Variants in SUOX observed in about 807,000 individuals in gnomAD.
SUOX encodes the protein sulfite oxidase.
A neutral mutation model predicts 41.9 loss-of-function variants in SUOX; 39 were observed. The observed-to-expected ratio is 0.93, with a 90% CI of 0.72 to 1.21. The LOEUF is 1.21. Among genes scored for constraint, SUOX ranks in the 50% most tolerant of loss-of-function variants. The pLI is 0.00. For missense variants in SUOX, 633 were observed against 689.5 expected (o/e 0.92, Z 0.92); for synonymous variants, 220 against 268.4 (o/e 0.82, Z 1.76).
intron 2 of SUOX, among the ~76,000 whole-genome samples, chr12:55,998,939 G>A (rs528902223): frequency 7.9e-4 from 119 of 151,394 alleles, no homozygotes; most frequent in African/African-American, 2.5e-3. Flanking sequence ...CCACCACCCC[G>A]GTAGCTGAGA....
chr12:56,004,790 CCTAACCTGGCAGGTGG>C lies in SUOX; in HGVS notation c.1406_1421del (p.Thr469SerfsTer20), dbSNP rs1389312412. 3.1e-6 allele frequency: 5 copies of C among 1,614,076 alleles called. No homozygotes were observed. The East Asian group carries it at 1.1e-4, about 36-fold the overall frequency. On this transcript the variant is annotated frameshift_variant, in exon 5 of 5. Coordinates refer to ENST00000266971, the MANE Select transcript of SUOX (RefSeq NM_001032386.2). LOFTEE classifies it high-confidence loss of function. The surrounding 1 kb of genome is among the most constrained non-coding windows in gnomAD (Gnocchi z 4.5). ...GGGTGGATGTGTCTCTGGATGGGGG[CCTAACCTGGCAGGTGG>C]CTAAGCTGGATGGAGAGGAACAGCG...
chr12:55,997,917 T>C (rs1890366061), intron 2 of SUOX, among the ~76,000 whole-genome samples, 194 bp downstream of exon 2: 1 of 152,090 alleles, frequency 6.6e-6, no homozygotes, highest in African/African-American at 2.4e-5. Flanking sequence ...GTGCTCTCTG[T>C]TCAGCAATTT....
In SUOX at chr12:56,005,150, C is replaced by A; in HGVS notation, c.*123C>A. On this transcript the variant is annotated 3_prime_UTR_variant, in exon 5 of 5. Coordinates refer to ENST00000266971, the MANE Select transcript of SUOX (RefSeq NM_001032386.2). The stretch of plus-strand genomic sequence containing the variant: ...GGCCTTCCTAAGCCATACCCAAGTA[C>A]ACATATAGCACATTTCACCCAAGGA... 3.8e-6 allele frequency: 4 copies of A among 1,059,324 alleles called. No homozygotes were observed. Among genetic ancestry groups the A allele is most frequent in the Non-Finnish European group, 5.7e-6 (4 of 703,994 alleles). 65.6% of individuals were successfully genotyped at this position (1,059,324 alleles called of 1,614,324 possible).
chr12:56,002,706 G>T lies in SUOX; in HGVS notation c.214G>T (p.Asp72Tyr). Residue 72 changes from aspartate (D) to tyrosine (Y), a missense_variant, in exon 4 of 5, where the codon GAC (aspartate) becomes TAC (tyrosine). By Grantham distance (160) the Asp-to-Tyr change is radical. Transcript: ENST00000266971. ...TCTCGGTGCAGTGTTGGCCTATCAG[G>T]ACCATCGGTGTAGGGTAAGTAGGGA... Reference protein sequence around the residue: ...LGLGAVLAYQDHRCRAAQEST... With the variant: ...LGLGAVLAYQYHRCRAAQEST... 6.2e-7 allele frequency: 1 copy of T among 1,614,090 alleles called. No individual in the cohort carries two copies. Among genetic ancestry groups the T allele is most frequent in the Non-Finnish European group, 8.5e-7 (1 of 1,180,008 alleles).
chr12:56,002,377 A>C, intron 3 of SUOX, 106 bp downstream of exon 3: 1 of 1,497,862 alleles, frequency 6.7e-7, no homozygotes, highest in Non-Finnish European at 9.2e-7. Context: ...GAGTGTGTCC[A>C]GGGAGGACAG....
At chr12:56,003,409 G>A (rs1462177799) in intron 4 of SUOX, among the ~76,000 whole-genome samples, 3 of 152,082 alleles carry the variant, frequency 2.0e-5, no homozygotes, top group Non-Finnish European at 4.4e-5. Context: ...TTACAGGCAT[G>A]CACCACCATG....
In SUOX at chr12:56,003,928, C is replaced by A. The variant is rs756775813; in HGVS notation, c.539C>A (p.Pro180His). The change falls in exon 5 of 5, where the codon CCT becomes CAT. Residue 180 changes from proline (P) to histidine (H), a missense_variant. Pro to His is a moderately conservative substitution (Grantham distance 77). Transcript: ENST00000266971. Reference protein sequence around the residue: ...VETSDPYADDPVRHPALKVNS... With the variant: ...VETSDPYADDHVRHPALKVNS... ...ACCTCTGACCCTTATGCTGATGATCCTGTACGTCACCCAGCCCTGAAGGTC... is the reference window on the plus strand; with the variant it reads ...ACCTCTGACCCTTATGCTGATGATCATGTACGTCACCCAGCCCTGAAGGTC... The A allele has an allele frequency of 8.1e-6, 13 of 1,613,992 alleles. No individual in the cohort carries two copies. In the South Asian group the frequency reaches 1.4e-4, roughly 18 times the overall value.
chr12:56,000,466 C>A (rs1890473923), intron 2 of SUOX, among the ~76,000 whole-genome samples: 1 of 152,216 alleles, frequency 6.6e-6, no homozygotes, highest in South Asian at 2.1e-4. Flanking sequence ...CCACGCCCAC[C>A]CGGAACTCCA....
Position 55,997,614 on chromosome 12 carries a change from GCAAAAGGC to G in SUOX, c.-119_-112del, listed in dbSNP as rs1234730012. ...CAACGGGTGGCATTTCTGTATTACA[GCAAAAGGC>G]TGTCCCTCCCAAACCTGGGATTCTG... On this transcript the variant is annotated splice_region_variant and 5_prime_UTR_variant, in exon 2 of 5. Transcript: ENST00000266971. 2 of 152,364 alleles carry G rather than the reference GCAAAAGGC, an allele frequency of 1.3e-5. No individual in the cohort carries two copies. Among genetic ancestry groups the G allele is most frequent in the African/African-American group, 4.8e-5 (2 of 41,430 alleles). 9.4% of individuals were successfully genotyped at this position (152,364 alleles called of 1,614,324 possible).
chr12:56,002,012 C>A, intron 2 of SUOX, 200 bp from the exon 3 acceptor site: 1 of 1,445,826 alleles, frequency 6.9e-7, no homozygotes, highest in Non-Finnish European at 9.1e-7. Context: ...TACCTGCCAT[C>A]CTGTCAGCAC....
At chr12:56,000,436 G>A (rs909260105) in intron 2 of SUOX, among the ~76,000 whole-genome samples, 1 of 152,226 alleles carries the variant, frequency 6.6e-6, no homozygotes, top group African/African-American at 2.4e-5. Context: ...CGGCTGCTCC[G>A]TGTGCGGGGC....
At position 56,004,337 on chromosome 12, in the gene SUOX, C is replaced by T; in HGVS notation, c.948C>T (p.Val316=). 6.2e-7 allele frequency: 1 copy of T among 1,614,176 alleles called. No individual in the cohort carries two copies. The highest frequency in any genetic ancestry group is 8.5e-7 in the Non-Finnish European group (1 of 1,180,022). The change falls in exon 5 of 5, where the codon GTC becomes GTT. Residue 316 remains valine, a synonymous_variant. Transcript: ENST00000266971. The surrounding 1 kb of genome is among the most constrained non-coding windows in gnomAD (Gnocchi z 4.5). The part of the protein sequence containing the change: ...GHQLCETEAH[V]CFEGLDSDPT... Reference sequence around the variant, plus strand: ...AACTCTGTGAAACTGAGGCCCACGTCTGCTTTGAGGGACTGGACTCAGACC... The same window carrying T: ...AACTCTGTGAAACTGAGGCCCACGTTTGCTTTGAGGGACTGGACTCAGACC...
At chr12:56,003,344 C>G (rs891934699) in intron 4 of SUOX, among the ~76,000 whole-genome samples, 1 of 151,894 alleles carries the variant, frequency 6.6e-6, no homozygotes, top group Admixed American at 6.6e-5. Flanking sequence ...TCACCACAAC[C>G]TCCACCTCCC....
At chr12:56,000,301 C>T (rs1050764292) in intron 2 of SUOX, among the ~76,000 whole-genome samples, 2 of 152,258 alleles carry the variant, frequency 1.3e-5, no homozygotes, top group African/African-American at 4.8e-5. Flanking sequence ...GGGGAGGCAG[C>T]TAAGGCCCGG....
chr12:56,001,961 C>T, intron 2 of SUOX: 40 of 1,365,646 alleles, frequency 2.9e-5, no homozygotes, highest in Non-Finnish European at 3.8e-5. Context: ...GATTCTGATT[C>T]TAGAAGCACC....
chr12:56,004,650 C>T lies in SUOX; in HGVS notation c.1261C>T (p.Gln421Ter). Residue 421 changes from glutamine to a stop codon, truncating the protein, a stop_gained, in exon 5 of 5, where the codon CAG becomes TAG. Transcript: ENST00000266971. LOFTEE classifies it high-confidence loss of function. The surrounding 1 kb of genome is among the most constrained non-coding windows in gnomAD (Gnocchi z 4.5). ...AGATTTTGACTCTGCTCCATCCATT[C>T]AGGAACTTCCTGTCCAGTCGGCCAT... is the stretch of plus-strand genomic sequence containing the variant. ...TVDFDSAPSI[Q>*]ELPVQSAITE... is the part of the protein sequence containing the mutation. 6.2e-7 allele frequency: 1 copy of T among 1,613,926 alleles called. No individual in the cohort carries two copies. Among genetic ancestry groups the T allele is most frequent in the Non-Finnish European group, 8.5e-7 (1 of 1,179,808 alleles).
rs1565799921 is a variant in SUOX at position 56,004,777 on chromosome 12, C to T, written c.1388C>T (p.Ser463Phe). The T allele has an allele frequency of 1.2e-6, 2 of 1,614,110 alleles. No homozygotes were observed. Among genetic ancestry groups the T allele is most frequent in the African/African-American group, 1.3e-5 (1 of 75,026 alleles). Reference sequence around the variant, plus strand: ...AGGGCTGTGATCCGGGTGGATGTGTCTCTGGATGGGGGCCTAACCTGGCAG... The same window carrying T: ...AGGGCTGTGATCCGGGTGGATGTGTTTCTGGATGGGGGCCTAACCTGGCAG... ...GGRAVIRVDV[S>F]LDGGLTWQVA... Residue 463 changes from serine to phenylalanine, a missense_variant, in exon 5 of 5, where the codon TCT becomes TTT. Transcript: ENST00000266971. The surrounding 1 kb of genome is among the most constrained non-coding windows in gnomAD (Gnocchi z 4.5).
At chr12:56,000,920 A>G (rs1268405066) in intron 2 of SUOX, among the ~76,000 whole-genome samples, 1 of 150,000 alleles carries the variant, frequency 6.7e-6, no homozygotes, top group Non-Finnish European at 1.5e-5. Context: ...AGCAGGGACT[A>G]CAGGCGCCCG....
Position 56,002,558 on chromosome 12 carries a change from C to T in SUOX, c.66C>T (p.Pro22=), listed in dbSNP as rs1249370906. 1 of 1,614,088 alleles carries T rather than the reference C, an allele frequency of 6.2e-7. No individual in the cohort carries two copies. Among genetic ancestry groups the T allele is most frequent in the African/African-American group, 1.3e-5 (1 of 75,042 alleles). The part of the protein sequence containing the change: ...LQQACRLKSI[P]SRICIQACST... ...TCTCTTCCAGACTCAAGTCAATCCC[C>T]TCAAGGATCTGCATTCAGGCCTGCT... The change falls in exon 4 of 5, where the codon CCC becomes CCT. Residue 22 remains proline, a synonymous_variant. Transcript: ENST00000266971.
Sources: allele counts gnomAD v4.1 joint callset (sites outside exome capture counted in the v4.1 genomes callset), GRCh38; gene constraint gnomAD v4.1.1; non-coding constraint Gnocchi (gnomAD v3.1); transcripts MANE v1.5; gene names NCBI Gene and HGNC (gene_info 2026-07-23, HGNC 2026-07-21).